PTPRD: variants seen among roughly 807,000 people sequenced by gnomAD.
PTPRD encodes protein tyrosine phosphatase receptor type D, also known as receptor-type tyrosine-protein phosphatase delta.
PTPRD carries 34 observed loss-of-function variants against 214.5 expected under a neutral mutation model. That is an observed-to-expected ratio of 0.16 (90% confidence interval 0.12 to 0.21). The LOEUF (loss-of-function observed/expected upper bound fraction) is 0.21. Among genes scored for constraint, PTPRD ranks in the 10% least tolerant of loss-of-function variants. The pLI is 1.00. For synonymous variants in PTPRD, 1,128 were observed against 845.7 expected, an observed-to-expected ratio of 1.33 and a Z score of -5.79; for missense variants, 2,545 against 2,398.7, an observed-to-expected ratio of 1.06 and a Z score of -1.27.
chr9:9,264,834 C>T (rs183267663), intron 9 of PTPRD, among the ~76,000 whole-genome samples: 25 of 150,672 alleles, frequency 1.7e-4, no homozygotes, highest in African/African-American at 5.6e-4. Context: ...GATTATCAGC[C>T]GATTTTTCAG....
intron 11 of PTPRD, among the ~76,000 whole-genome samples, chr9:8,988,804 C>G (rs1197420004): frequency 1.3e-5 from 2 of 151,972 alleles, no homozygotes; most frequent in East Asian, 1.9e-4. Context: ...ATTTAATGTG[C>G]TTTTCTCTTG....
rs546308186 is a variant in PTPRD, at chr9:10,408,148, G to A, written c.-599-67131C>T. Among the ~76,000 whole-genome samples, 27 of 151,356 alleles carry A rather than the reference G, an allele frequency of 1.8e-4. No individual in the cohort carries two copies. In the South Asian group the frequency reaches 4.0e-3, roughly 22 times the overall value. On this transcript the variant is annotated intron_variant, in intron 2 of 45. Coordinates refer to ENST00000381196, the MANE Select transcript of PTPRD (RefSeq NM_002839.4). The stretch of plus-strand genomic sequence containing the variant: ...TTTCTTCTACCTTTCTTGTGACTCC[G>A]ACTTATCTGAAAACAAGTGACAACC...
At chr9:9,320,052 A>G (rs1332684847) in intron 9 of PTPRD, among the ~76,000 whole-genome samples, 2 of 152,180 alleles carry the variant, frequency 1.3e-5, no homozygotes, top group Admixed American at 6.5e-5. Flanking sequence ...ACTTCTGAAA[A>G]AGTACCTCAT....
At position 8,878,919 on chromosome 9, in the gene PTPRD, C is replaced by T. The variant is rs540567894; in HGVS notation, c.-104+139778G>A. Among the ~76,000 whole-genome samples the T allele has an allele frequency of 9.3e-4, 142 of 152,284 alleles. 4 individuals carry two copies. Among genetic ancestry groups the T allele is most frequent in the African/African-American group, 3.2e-3 (132 of 41,556 alleles). Reference sequence around the variant, plus strand: ...TGGCCATAGCTATACCCTGGTGACTCTGGTTAGATGTCAGTCCTACACCTC... The same window carrying T: ...TGGCCATAGCTATACCCTGGTGACTTTGGTTAGATGTCAGTCCTACACCTC... On this transcript the variant is annotated intron_variant, in intron 11 of 45. Coordinates refer to ENST00000381196, the MANE Select transcript of PTPRD (RefSeq NM_002839.4).
At chr9:10,176,661 G>C (rs1391348387) in intron 3 of PTPRD, among the ~76,000 whole-genome samples, 2 of 151,962 alleles carry the variant, frequency 1.3e-5, no homozygotes, top group African/African-American at 4.8e-5. Flanking sequence ...CAGGGGCCTA[G>C]GAAGTGAACT....
intron 10 of PTPRD, among the ~76,000 whole-genome samples, chr9:9,155,665 G>C (rs1014737493): frequency 6.6e-6 from 1 of 152,070 alleles, no homozygotes; most frequent in Non-Finnish European, 1.5e-5. Flanking sequence ...TTGTTTGCTT[G>C]TTTCACATAA....
intron 9 of PTPRD, among the ~76,000 whole-genome samples, chr9:9,351,636 A>C (rs958809046): frequency 2.6e-5 from 4 of 151,992 alleles, no homozygotes; most frequent in Non-Finnish European, 4.4e-5. Context: ...AAAGATACAC[A>C]TGTTAGCTGA....
chr9:10,320,595 T>C (rs117025274), intron 3 of PTPRD, among the ~76,000 whole-genome samples: 1,774 of 152,164 alleles, frequency 0.012, 12 homozygotes, highest in Middle Eastern at 0.031. Flanking sequence ...AATATAACCC[T>C]GCAATATGAG....
At chr9:10,304,389 C>T (rs1055582636) in intron 3 of PTPRD, among the ~76,000 whole-genome samples, 2 of 152,118 alleles carry the variant, frequency 1.3e-5, no homozygotes, top group African/African-American at 4.8e-5. Flanking sequence ...TCCTATTCAA[C>T]ATAGTATTGG....
In PTPRD at chr9:9,397,453, G is replaced by A. The variant is rs1433570713; in HGVS notation, c.-207C>T. The stretch of plus-strand genomic sequence containing the variant: ...AGATGAGCAAAATAAACTTACCACA[G>A]TTGTTCAGTTAATGGACAGGCACCA... On this transcript the variant is annotated 5_prime_UTR_variant, in exon 9 of 46. Coordinates refer to ENST00000381196, the MANE Select transcript of PTPRD (RefSeq NM_002839.4). 2 of 152,300 alleles carry A rather than the reference G, an allele frequency of 1.3e-5. No homozygotes were observed. The highest frequency in any genetic ancestry group is 2.9e-5 in the Non-Finnish European group (2 of 67,906). The allele number at this position is 152,300 out of a possible 1,614,324, so 9.4% of individuals were successfully genotyped here.
intron 11 of PTPRD, among the ~76,000 whole-genome samples, chr9:8,951,138 A>AGTGTGTGT (rs56212369): frequency 0.12 from 18,198 of 147,110 alleles, 1,178 homozygotes; most frequent in South Asian, 0.17. Flanking sequence ...TAGGAAAAAG[A>AGTGTGTGT]GTGTGTGTGT....
chr9:9,758,445 C>G (rs896616658), intron 6 of PTPRD, among the ~76,000 whole-genome samples: 1 of 152,038 alleles, frequency 6.6e-6, no homozygotes, highest in East Asian at 1.9e-4. Context: ...GCCAGCTCTG[C>G]CACATTAGGC....
chr9:9,351,876 G>C (rs566718944), intron 9 of PTPRD, among the ~76,000 whole-genome samples: 1 of 152,098 alleles, frequency 6.6e-6, no homozygotes, highest in South Asian at 2.1e-4. Flanking sequence ...GAGATAACAT[G>C]AATATCCACC....
chr9:8,782,808 C>G (rs915459040), intron 11 of PTPRD, among the ~76,000 whole-genome samples: 1 of 152,010 alleles, frequency 6.6e-6, no homozygotes, highest in Non-Finnish European at 1.5e-5. Context: ...GTTGGTCAGG[C>G]TGGTCTCGAA....
chr9:8,449,751 A>T lies in PTPRD; in HGVS notation c.3962T>A (p.Leu1321Gln), dbSNP rs1170013772. ...PSHHPTDPVE[L>Q]RRLNFQTPGM... Reference sequence around the variant, plus strand: ...CGGTGTTTGAAAGTTAAGGCGCCTCAGTTCTACAGGGTCTGTTGGGTGGTG... The same window carrying T: ...CGGTGTTTGAAAGTTAAGGCGCCTCTGTTCTACAGGGTCTGTTGGGTGGTG... The change falls in exon 34 of 46, where the codon CTG (leucine) becomes CAG (glutamine). Residue 1321 changes from leucine (L) to glutamine (Q), a missense_variant. Physicochemically the swap from Leu to Gln is moderately radical, Grantham distance 113. Coordinates refer to ENST00000381196, the MANE Select transcript of PTPRD (RefSeq NM_002839.4). 6.2e-7 allele frequency: 1 copy of T among 1,614,034 alleles called. No homozygotes were observed. Among genetic ancestry groups the T allele is most frequent in the African/African-American group, 1.3e-5 (1 of 75,048 alleles).
At chr9:8,633,898 T>C (rs991305334) in intron 13 of PTPRD, among the ~76,000 whole-genome samples, 2 of 152,018 alleles carry the variant, frequency 1.3e-5, no homozygotes, top group Admixed American at 1.3e-4. Context: ...CACAGATAGC[T>C]CTGCTAGTTT....
At chr9:10,340,352 T>A (rs1263067020) in intron 3 of PTPRD, among the ~76,000 whole-genome samples, 2 of 151,892 alleles carry the variant, frequency 1.3e-5, no homozygotes, top group Admixed American at 6.6e-5. Flanking sequence ...TCAACCCAAG[T>A]GGATCTGTCA....
rs150671623 is a variant in PTPRD at position 8,717,383 on chromosome 9, A to C, written c.64+16397T>G. 2.2e-4 allele frequency among the ~76,000 whole-genome samples: 34 copies of C among 152,286 alleles called. 1 individual carries two copies. The East Asian group carries it at 6.6e-3, about 29-fold the overall frequency. On this transcript the variant is annotated intron_variant, in intron 12 of 45. Coordinates refer to ENST00000381196, the MANE Select transcript of PTPRD (RefSeq NM_002839.4). The stretch of plus-strand genomic sequence containing the variant: ...AAGTCAACTCATCATGACATCCTGC[A>C]AATTCCACCTCTTGAATAAGTTTTG...
intron 14 of PTPRD, among the ~76,000 whole-genome samples, chr9:8,616,886 A>C (rs767936041): frequency 6.6e-6 from 1 of 152,162 alleles, no homozygotes; most frequent in Non-Finnish European, 1.5e-5. Flanking sequence ...TGAGAGGCTA[A>C]GCTGAAACTC....
Sources: allele counts gnomAD v4.1 joint callset (sites outside exome capture counted in the v4.1 genomes callset), GRCh38; gene constraint gnomAD v4.1.1; transcripts MANE v1.5; gene names NCBI Gene and HGNC (gene_info 2026-07-23, HGNC 2026-07-21).